The following ACVR2B variants were observed in gnomAD, a reference collection of about 807,000 sequenced individuals.
The protein encoded by ACVR2B is activin receptor type-2B.
In ACVR2B, 18 loss-of-function variants were observed where a neutral mutation model predicts 65.1. The ratio of observed to expected loss-of-function variants is 0.28; its 90% CI spans 0.19 to 0.41. The LOEUF is 0.41. ACVR2B is among the 10% of genes least tolerant of loss of function. The pLI, the probability that ACVR2B is intolerant of heterozygous loss-of-function variation, is 1.00. For missense variants in ACVR2B, 482 were observed against 682.7 expected, an observed-to-expected ratio of 0.71 and a Z score of 3.28; for synonymous variants, 298 against 277.7, an observed-to-expected ratio of 1.07 and a Z score of -0.73.
intron 1 of ACVR2B, among the ~76,000 whole-genome samples, chr3:38,457,214 A>G (rs1427555650): frequency 6.6e-6 from 1 of 151,584 alleles, no homozygotes; most frequent in African/African-American, 2.4e-5. Flanking sequence ...AAAAAAAAGT[A>G]TATTTCACTG....
In ACVR2B at chr3:38,484,176, C is replaced by G. The variant is rs1485581079; in HGVS notation, c.*844C>G. 6.6e-6 allele frequency: 1 copy of G among 152,532 alleles called. No homozygotes were observed. Among genetic ancestry groups the G allele is most frequent in the African/African-American group, 2.4e-5 (1 of 41,420 alleles). The allele number at this position is 152,532 out of a possible 1,614,324, so 9.4% of individuals were successfully genotyped here. ...GCCCTGACTTACCTGCTGGCCCTGA[C>G]CAGTTTCTTTTCACTAACTTGGCCT... On this transcript the variant is annotated 3_prime_UTR_variant, in exon 11 of 11. Coordinates refer to ENST00000352511, the MANE Select transcript of ACVR2B (RefSeq NM_001106.4).
chr3:38,472,747 G>A (rs1709840500), intron 1 of ACVR2B, among the ~76,000 whole-genome samples: 1 of 152,108 alleles, frequency 6.6e-6, no homozygotes, highest in South Asian at 2.1e-4. Context: ...TCCAGGGGAG[G>A]TGGGCATGGA....
intron 5 of ACVR2B, 111 bp from the exon 6 acceptor site, chr3:38,479,017 G>A (rs1484580127): frequency 6.2e-6 from 9 of 1,444,212 alleles, no homozygotes; most frequent in Non-Finnish European, 7.8e-6. Flanking sequence ...GGATTGGGCT[G>A]GGAGGCTTGA....
chr3:38,454,195 C>T lies in ACVR2B; in HGVS notation c.-128C>T, dbSNP rs1709500337. ...CTCGGGGACGAAGGCGCAGGAAGCG[C>T]GCAGGGAACGAGACCGAAGGAAGGA... is the stretch of plus-strand genomic sequence containing the variant. On this transcript the variant is annotated 5_prime_UTR_variant, in exon 1 of 11. Coordinates refer to ENST00000352511, the MANE Select transcript of ACVR2B (RefSeq NM_001106.4). 3 of 654,820 alleles carry T rather than the reference C, an allele frequency of 4.6e-6. No homozygotes were observed. The highest frequency in any genetic ancestry group is 6.0e-6 in the Non-Finnish European group (3 of 496,562). The allele number at this position is 654,820 out of a possible 1,614,324, so 40.6% of individuals were successfully genotyped here.
chr3:38,461,386 C>T (rs950966877), intron 1 of ACVR2B, among the ~76,000 whole-genome samples: 1 of 152,138 alleles, frequency 6.6e-6, no homozygotes, highest in African/African-American at 2.4e-5. Context: ...CAAGAGGTCC[C>T]GCTTCTCTGT....
Position 38,478,238 on chromosome 3 carries a change from C to T in ACVR2B, c.468C>T (p.Ala156=). 1 of 1,614,160 alleles carries T rather than the reference C, an allele frequency of 6.2e-7. No individual in the cohort carries two copies. The highest frequency in any genetic ancestry group is 1.7e-5 in the Admixed American group (1 of 60,026). ...IGGLSLIVLL[A]FWMYRHRKPP... ...GCCTTTCCCTCATCGTCCTGCTGGC[C>T]TTTTGGATGTACCGGCATCGCAAGC... Residue 156 remains alanine (A), a synonymous_variant, in exon 4 of 11, where the codon GCC becomes GCT. Coordinates refer to ENST00000352511, the MANE Select transcript of ACVR2B (RefSeq NM_001106.4).
At chr3:38,472,405 C>T (rs1226681939) in intron 1 of ACVR2B, among the ~76,000 whole-genome samples, 3 of 152,146 alleles carry the variant, frequency 2.0e-5, no homozygotes, top group Admixed American at 6.5e-5. Context: ...AGGCTGGACA[C>T]CAGAGGGAGA....
At chr3:38,465,003 A>G (rs759861983) in intron 1 of ACVR2B, among the ~76,000 whole-genome samples, 27 of 152,290 alleles carry the variant, frequency 1.8e-4, no homozygotes, top group South Asian at 1.7e-3. Context: ...TGCAAATACA[A>G]TGACTGGCTG....
intron 1 of ACVR2B, among the ~76,000 whole-genome samples, chr3:38,457,831 G>A (rs1238506324): frequency 6.6e-6 from 1 of 152,180 alleles, no homozygotes; most frequent in African/African-American, 2.4e-5. Context: ...GTGAGCTCAT[G>A]AAGTGAAGTG....
At chr3:38,466,222 A>C (rs1709724702) in intron 1 of ACVR2B, among the ~76,000 whole-genome samples, 1 of 152,216 alleles carries the variant, frequency 6.6e-6, no homozygotes, top group Admixed American at 6.5e-5. Context: ...GGTAGGTAGG[A>C]GGTCAGATGG....
intron 1 of ACVR2B, among the ~76,000 whole-genome samples, chr3:38,460,437 A>G (rs2125713072): frequency 6.6e-6 from 1 of 152,270 alleles, no homozygotes; most frequent in South Asian, 2.1e-4. Context: ...AGTGGTAGGT[A>G]CTGGAAATCA....
At position 38,483,322 on chromosome 3, in the gene ACVR2B, C is replaced by T. The variant is rs1559656524; in HGVS notation, c.1529C>T (p.Ser510Leu). 2 of 1,613,988 alleles carry T rather than the reference C, an allele frequency of 1.2e-6. No homozygotes were observed. The highest frequency in any genetic ancestry group is 2.2e-5 in the East Asian group (1 of 44,874). The change falls in exon 11 of 11, where the codon TCA becomes TTA. Residue 510 changes from serine (S) to leucine (L), a missense_variant. Ser to Leu is a moderately radical substitution (Grantham distance 145). This residue lies in a region of ACVR2B where 38 missense variants were observed against 29.3 expected (regional missense o/e 1.30). Transcript: ENST00000352511. This position sits in a 1 kb window ranked among gnomAD's most constrained non-coding sequence, Gnocchi z 4.8. ...AATGTGGACCTGCCCCCTAAAGAGT[C>T]AAGCATCTAAGCCCAGGACATGAGT... ...VTNVDLPPKESSI is the reference protein window; with the variant it reads ...VTNVDLPPKELSI
intron 9 of ACVR2B, 31 bp from the exon 10 acceptor site, chr3:38,482,399 G>A (rs1365295897): frequency 6.2e-7 from 1 of 1,611,046 alleles, no homozygotes; most frequent in African/African-American, 1.4e-5. Flanking sequence ...GGACCTTAGA[G>A]TGATCCTGCC....
In ACVR2B at chr3:38,478,491, T is replaced by C. The variant is rs201602875; in HGVS notation, c.639T>C (p.Phe213=). Residue 213 remains phenylalanine (F), a synonymous_variant, in exon 5 of 11, where the codon TTT becomes TTC. Coordinates refer to ENST00000352511, the MANE Select transcript of ACVR2B (RefSeq NM_001106.4). ...GGAAGGCCCAGCTCATGAATGACTT[T>C]GTAGCTGTCAAGATCTTCCCACTCC... The part of the protein sequence containing the change: ...CVWKAQLMND[F]VAVKIFPLQD... 9.9e-6 allele frequency: 16 copies of C among 1,614,138 alleles called. No individual in the cohort carries two copies. In the East Asian group the frequency reaches 1.1e-4, roughly 11 times the overall value.
chr3:38,487,916 GT>G lies in ACVR2B; in HGVS notation c.*4589del, dbSNP rs1710149867. Reference sequence around the variant, plus strand: ...AGTCTCAGTTATTTTAGCCTGTTGAGTTTTTGATGGCACACCTTTGGAGAGA... The same window carrying G: ...AGTCTCAGTTATTTTAGCCTGTTGAGTTTTGATGGCACACCTTTGGAGAGA... On this transcript the variant is annotated 3_prime_UTR_variant, in exon 11 of 11. Transcript: ENST00000352511. The G allele has an allele frequency of 6.6e-6, 1 of 152,198 alleles. No individual in the cohort carries two copies. Among genetic ancestry groups the G allele is most frequent in the Non-Finnish European group, 1.5e-5 (1 of 68,034 alleles). 9.4% of individuals were successfully genotyped at this position (152,198 alleles called of 1,614,324 possible).
intron 8 of ACVR2B, 61 bp from the exon 9 acceptor site, chr3:38,482,137 G>T: frequency 6.2e-7 from 1 of 1,612,144 alleles, no homozygotes; most frequent in Admixed American, 1.7e-5. Flanking sequence ...TAACTCCCAT[G>T]TCCCAGCTGT....
intron 1 of ACVR2B, among the ~76,000 whole-genome samples, chr3:38,467,198 A>G (rs1709745132): frequency 6.6e-6 from 1 of 152,330 alleles, no homozygotes; most frequent in South Asian, 2.1e-4. Flanking sequence ...CTGTAATCCA[A>G]ACACTTCGGG....
intron 1 of ACVR2B, among the ~76,000 whole-genome samples, chr3:38,459,199 A>G (rs1298989179): frequency 6.6e-6 from 1 of 152,178 alleles, no homozygotes; most frequent in African/African-American, 2.4e-5. Flanking sequence ...CTCAAAGCCT[A>G]GGAGATTCCT....
Position 38,478,124 on chromosome 3 carries a change from C to A in ACVR2B, c.371-17C>A. ...GGTGGGCAGACTGTTTGACACAGGG[C>A]TCTGTGTGTCCCCCAGTCACGTACG... On this transcript the variant is annotated splice_polypyrimidine_tract_variant and intron_variant, in intron 3 of 10. Coordinates refer to ENST00000352511, the MANE Select transcript of ACVR2B (RefSeq NM_001106.4). 6.2e-7 allele frequency: 1 copy of A among 1,610,874 alleles called. No homozygotes were observed. The highest frequency in any genetic ancestry group is 8.5e-7 in the Non-Finnish European group (1 of 1,179,058).
Sources: gnomAD v4.1 joint callset for allele counts (sites outside exome capture counted in the v4.1 genomes callset) on GRCh38, gnomAD v4.1.1 for gene constraint, gnomAD v4.1.1 regional missense constraint, Gnocchi (gnomAD v3.1) non-coding constraint, MANE v1.5 for transcripts, NCBI Gene and HGNC (gene_info 2026-07-23, HGNC 2026-07-21) for gene names.